HECW1: variants seen among roughly 807,000 people sequenced by gnomAD.
The protein encoded by HECW1 is HECT, C2 and WW domain containing E3 ubiquitin protein ligase 1, also known as E3 ubiquitin-protein ligase HECW1.
HECW1 carries 61 observed loss-of-function variants against 182.3 expected under a neutral mutation model. The ratio of observed to expected loss-of-function variants is 0.33; its 90% confidence interval spans 0.27 to 0.41. The LOEUF is 0.41. HECW1 is among the 10% of genes least tolerant of loss of function. HECW1 has a pLI of 1.00. For synonymous variants in HECW1, 859 were observed against 832.6 expected (o/e 1.03, Z -0.55); for missense variants, 1,739 against 2,108.9 (o/e 0.82, Z 3.44).
At chr7:43,445,692 T>C in intron 11 of HECW1, 122 bp downstream of exon 11, 1 of 1,217,434 alleles carries the variant, frequency 8.2e-7, no homozygotes, top group African/African-American at 1.5e-5. Flanking sequence ...GGGCAATGTA[T>C]GCCTGTCTTG....
At chr7:43,390,537 T>TA (rs773044688) in intron 6 of HECW1, among the ~76,000 whole-genome samples, 6,558 of 110,812 alleles carry the variant, frequency 0.059, 294 homozygotes, top group South Asian at 0.1. Flanking sequence ...AAGCAACTCT[T>TA]AAAAAAAAAA....
chr7:43,185,255 G>C (rs535061154), intron 2 of HECW1, among the ~76,000 whole-genome samples: 1 of 152,292 alleles, frequency 6.6e-6, no homozygotes, highest in South Asian at 2.1e-4. Context: ...CCATGCCCCA[G>C]AGCTTGCTCT....
chr7:43,287,975 C>A (rs920704891), intron 3 of HECW1, among the ~76,000 whole-genome samples: 1 of 152,144 alleles, frequency 6.6e-6, no homozygotes, highest in Non-Finnish European at 1.5e-5. Flanking sequence ...TAATCAAGAA[C>A]TTGTTTTTGG....
chr7:43,453,589 C>T (rs1361085213), intron 12 of HECW1, among the ~76,000 whole-genome samples: 1 of 152,208 alleles, frequency 6.6e-6, no homozygotes, highest in Non-Finnish European at 1.5e-5. Context: ...AATAGTATTA[C>T]ATTTGTTAAA....
At chr7:43,241,018 G>C (rs1008643679) in intron 2 of HECW1, 8 of 152,270 alleles carry the variant, frequency 5.3e-5, no homozygotes, top group African/African-American at 1.4e-4. Flanking sequence ...GTGTAAACCA[G>C]TTGTGCCTTT....
At chr7:43,494,505 G>T (rs1585083332) in intron 19 of HECW1, among the ~76,000 whole-genome samples, 1 of 147,000 alleles carries the variant, frequency 6.8e-6, no homozygotes, top group Non-Finnish European at 1.5e-5. Flanking sequence ...ATAAAGTCAA[G>T]ATTTTTTTTT....
At chr7:43,324,041 G>T (rs5883861) in intron 5 of HECW1, among the ~76,000 whole-genome samples, 5 of 150,264 alleles carry the variant, frequency 3.3e-5, no homozygotes, top group African/African-American at 1.2e-4. Context: ...TCTCAAAAAA[G>T]AAAAAAAAAG....
chr7:43,542,891 G>C (rs1448898690), intron 26 of HECW1, among the ~76,000 whole-genome samples: 1 of 152,102 alleles, frequency 6.6e-6, no homozygotes, highest in East Asian at 1.9e-4. Context: ...TTGAAAATCA[G>C]ATATGATAAT....
At chr7:43,449,549 G>C (rs1172328347) in intron 11 of HECW1, among the ~76,000 whole-genome samples, 2 of 152,188 alleles carry the variant, frequency 1.3e-5, no homozygotes, top group African/African-American at 4.8e-5. Flanking sequence ...TAGAACTAGA[G>C]TGAGAAGAAA....
intron 19 of HECW1, among the ~76,000 whole-genome samples, chr7:43,495,061 G>C (rs916821276): frequency 6.6e-6 from 1 of 152,006 alleles, no homozygotes; most frequent in Non-Finnish European, 1.5e-5. Flanking sequence ...TTCTTTGAGG[G>C]GGTGGGAACT....
intron 24 of HECW1, among the ~76,000 whole-genome samples, chr7:43,519,911 T>C (rs1242258513): frequency 6.6e-6 from 1 of 152,160 alleles, no homozygotes; most frequent in Non-Finnish European, 1.5e-5. Context: ...ATAAAAAATA[T>C]GGAAGGGCAC....
At chr7:43,231,791 C>T (rs529592216) in intron 2 of HECW1, among the ~76,000 whole-genome samples, 34 of 151,520 alleles carry the variant, frequency 2.2e-4, no homozygotes, top group African/African-American at 5.1e-4. Context: ...CCAAGGTGGG[C>T]GGATCACGAG....
intron 12 of HECW1, among the ~76,000 whole-genome samples, chr7:43,455,006 T>C (rs2077353397): frequency 6.6e-6 from 1 of 152,230 alleles, no homozygotes; most frequent in South Asian, 2.1e-4. Context: ...CAGGCATTGC[T>C]CTTCTATGTT....
chr7:43,448,981 C>T (rs1379962434), intron 11 of HECW1, among the ~76,000 whole-genome samples: 2 of 152,196 alleles, frequency 1.3e-5, no homozygotes, highest in African/African-American at 4.8e-5. Flanking sequence ...TCGGCTGAGA[C>T]ATGTTGGTCA....
chr7:43,556,407 C>G (rs773059726), intron 29 of HECW1, among the ~76,000 whole-genome samples: 4 of 152,216 alleles, frequency 2.6e-5, no homozygotes, highest in African/African-American at 9.6e-5. Context: ...ACCCTGCTGT[C>G]TGGGCGCAGT....
In HECW1 at chr7:43,492,105, T is replaced by A. The variant is rs2078953764; in HGVS notation, c.3265T>A (p.Ser1089Thr). ...AGAAGTTTCTAGAAACAGAGGAGCC[T>A]CTTTACTGGCCAGGCCAGGACACAG... is the stretch of plus-strand genomic sequence containing the variant. ...ASEVSRNRGA[S>T]LLARPGHSLV... is the part of the protein sequence containing the mutation. The change falls in exon 18 of 30, where the codon TCT becomes ACT. Residue 1089 changes from serine (S) to threonine (T), a missense_variant. Coordinates refer to ENST00000395891, the MANE Select transcript of HECW1 (RefSeq NM_015052.5). 6.2e-7 allele frequency: 1 copy of A among 1,605,308 alleles called. No individual in the cohort carries two copies. The highest frequency in any genetic ancestry group is 8.5e-7 in the Non-Finnish European group (1 of 1,177,718).
intron 3 of HECW1, among the ~76,000 whole-genome samples, chr7:43,303,370 A>G (rs1227266592): frequency 7.2e-6 from 1 of 138,086 alleles, no homozygotes; most frequent in Admixed American, 7.4e-5. Context: ...AAAGGGCTGC[A>G]GAGTCAAAAG....
intron 26 of HECW1, among the ~76,000 whole-genome samples, chr7:43,546,539 G>T (rs915764109): frequency 6.6e-6 from 1 of 151,606 alleles, no homozygotes; most frequent in African/African-American, 2.4e-5. Context: ...ATGTTGTTTT[G>T]GGGGGCAGGT....
Position 43,396,845 on chromosome 7 carries a change from TCCAAGGAC to T in HECW1, c.588_595del (p.Gln197ArgfsTer78). 6.2e-7 allele frequency: 1 copy of T among 1,612,996 alleles called. No homozygotes were observed. The highest frequency in any genetic ancestry group is 8.5e-7 in the Non-Finnish European group (1 of 1,179,760). ...AAAAGCATTGGTGCTGATGAGACCGTCCAAGGACAAGGAAGTCGGAGGCTGATCAGCTT... is the reference window on the plus strand; with the variant it reads ...AAAAGCATTGGTGCTGATGAGACCGTAAGGAAGTCGGAGGCTGATCAGCTT... On this transcript the variant is annotated frameshift_variant, in exon 7 of 30. Coordinates refer to ENST00000395891, the MANE Select transcript of HECW1 (RefSeq NM_015052.5). LOFTEE classifies it high-confidence loss of function.
Sources: allele counts gnomAD v4.1 joint callset (sites outside exome capture counted in the v4.1 genomes callset), GRCh38; gene constraint gnomAD v4.1.1; transcripts MANE v1.5; gene names NCBI Gene and HGNC (gene_info 2026-07-23, HGNC 2026-07-21).